DDX10: variants seen among roughly 807,000 people sequenced by gnomAD.
DDX10 encodes the protein probable ATP-dependent RNA helicase DDX10.
DDX10 carries 74 observed loss-of-function variants against 104.3 expected under a neutral mutation model. That is an observed-to-expected ratio of 0.71 (90% confidence interval 0.59 to 0.86). The LOEUF (loss-of-function observed/expected upper bound fraction) is 0.86. Among genes scored for constraint, DDX10 ranks in the 40% least tolerant of loss-of-function variants. The probability of loss-of-function intolerance (pLI) is 0.00; values close to 1 mark genes in which losing one functional copy is unlikely to be tolerated. For missense variants in DDX10, 952 were observed against 1,040.0 expected (o/e 0.92, Z 1.16); for synonymous variants, 351 against 353.4 (o/e 0.99, Z 0.08).
At chr11:108,884,950 T>C (rs1440447970) in intron 16 of DDX10, among the ~76,000 whole-genome samples, 2 of 152,204 alleles carry the variant, frequency 1.3e-5, no homozygotes, top group African/African-American at 4.8e-5. Context: ...TCATTTTTCC[T>C]CTACAGGTGG....
chr11:108,677,824 A>G (rs757258989), intron 4 of DDX10, among the ~76,000 whole-genome samples: 75 of 151,920 alleles, frequency 4.9e-4, no homozygotes, highest in Non-Finnish European at 9.9e-4. Context: ...CCTGTTGCCT[A>G]ACTTTAACAA....
At chr11:108,693,464 A>G in intron 8 of DDX10, 52 bp from the exon 9 acceptor site, 2 of 1,274,458 alleles carry the variant, frequency 1.6e-6, no homozygotes, top group Non-Finnish European at 2.3e-6. Context: ...AAAATAGTGC[A>G]GCAGGGCAGA....
chr11:108,806,873 T>C (rs1276927527), intron 13 of DDX10, among the ~76,000 whole-genome samples: 4 of 152,078 alleles, frequency 2.6e-5, no homozygotes, highest in Non-Finnish European at 5.9e-5. Flanking sequence ...TTAGAGACAG[T>C]GATGAGTGGT....
At chr11:108,898,597 C>T (rs529733025) in intron 16 of DDX10, among the ~76,000 whole-genome samples, 1 of 150,766 alleles carries the variant, frequency 6.6e-6, no homozygotes, top group South Asian at 2.1e-4. Flanking sequence ...GAAAATACAC[C>T]AGAATTTCTA....
chr11:108,903,209 C>A (rs1376419837), intron 16 of DDX10, among the ~76,000 whole-genome samples: 2 of 152,132 alleles, frequency 1.3e-5, no homozygotes, highest in Non-Finnish European at 2.9e-5. Flanking sequence ...CCCTTTAGCT[C>A]CATTTAATTC....
chr11:108,823,238 T>C (rs1036299425), intron 13 of DDX10, among the ~76,000 whole-genome samples: 1 of 152,230 alleles, frequency 6.6e-6, no homozygotes, highest in African/African-American at 2.4e-5. Context: ...CGAAACGTAG[T>C]ACACATAGGC....
chr11:108,910,817 C>CTGTA (rs2134657536), intron 16 of DDX10, among the ~76,000 whole-genome samples: 1 of 135,392 alleles, frequency 7.4e-6, no homozygotes, highest in South Asian at 2.3e-4. Flanking sequence ...CTGTGTGTGT[C>CTGTA]TGTATGAGGA....
rs753871229 is a variant in DDX10 at position 108,723,282 on chromosome 11, A to G, written c.1785A>G (p.Lys595=). The G allele has an allele frequency of 2.5e-6, 4 of 1,613,638 alleles. No homozygotes were observed. Among genetic ancestry groups the G allele is most frequent in the Middle Eastern group, 1.7e-4 (1 of 6,058 alleles). ...EEDDEEEMEE[K]LAKAKGSQAP... ...ACGATGAAGAAGAAATGGAAGAGAA[A>G]CTGGCAAAAGCAAAAGGATCTCAAG... is the stretch of plus-strand genomic sequence containing the variant. Residue 595 remains lysine (K), a synonymous_variant, in exon 13 of 18, where the codon AAA becomes AAG. Coordinates refer to ENST00000322536, the MANE Select transcript of DDX10 (RefSeq NM_004398.4).
chr11:108,848,276 G>A (rs1862745960), intron 15 of DDX10, among the ~76,000 whole-genome samples: 1 of 152,070 alleles, frequency 6.6e-6, no homozygotes, highest in Non-Finnish European at 1.5e-5. Context: ...TTTTTCCATA[G>A]CTATGGCCAT....
At chr11:108,774,104 C>A (rs190410981) in intron 13 of DDX10, among the ~76,000 whole-genome samples, 4 of 152,310 alleles carry the variant, frequency 2.6e-5, no homozygotes, top group Admixed American at 6.5e-5. Flanking sequence ...AGTGGACAAC[C>A]AGAAAGAGAA....
chr11:108,901,284 A>G (rs1188220076), intron 16 of DDX10, among the ~76,000 whole-genome samples: 3 of 152,224 alleles, frequency 2.0e-5, no homozygotes, highest in Non-Finnish European at 4.4e-5. Context: ...AGCACTCAGT[A>G]AATACTTGTT....
At chr11:108,765,029 A>G (rs1267252626) in intron 13 of DDX10, among the ~76,000 whole-genome samples, 4 of 152,214 alleles carry the variant, frequency 2.6e-5, no homozygotes, top group Non-Finnish European at 4.4e-5. Flanking sequence ...TTTAACTAAG[A>G]TATTAACTTT....
intron 13 of DDX10, among the ~76,000 whole-genome samples, chr11:108,793,528 G>A (rs1861898731): frequency 6.6e-6 from 1 of 152,010 alleles, no homozygotes; most frequent in African/African-American, 2.4e-5. Context: ...TAAATTTCAG[G>A]CGTGCTGGAA....
chr11:108,857,799 C>A (rs1199117192), intron 16 of DDX10, among the ~76,000 whole-genome samples: 2 of 152,212 alleles, frequency 1.3e-5, no homozygotes, highest in African/African-American at 2.4e-5. Flanking sequence ...GGCCATAGGT[C>A]ATTTCCGAGG....
intron 16 of DDX10, among the ~76,000 whole-genome samples, chr11:108,901,014 T>A (rs756860591): frequency 2.2e-4 from 34 of 152,174 alleles, no homozygotes; most frequent in Non-Finnish European, 2.9e-5. Context: ...ATCTCCTTCA[T>A]GAAGTCTTTC....
intron 16 of DDX10, among the ~76,000 whole-genome samples, chr11:108,857,275 A>G (rs989893223): frequency 6.6e-6 from 1 of 152,194 alleles, no homozygotes; most frequent in African/African-American, 2.4e-5. Context: ...AAATACCTTT[A>G]GTAAGGAAAG....
intron 16 of DDX10, among the ~76,000 whole-genome samples, chr11:108,888,526 T>C (rs1730157255): frequency 6.6e-6 from 1 of 152,210 alleles, no homozygotes; most frequent in Non-Finnish European, 1.5e-5. Context: ...TAATATTACT[T>C]GTCTTGACTA....
chr11:108,854,240 G>T (rs1361830039), intron 16 of DDX10, among the ~76,000 whole-genome samples: 4 of 152,206 alleles, frequency 2.6e-5, no homozygotes, highest in Non-Finnish European at 4.4e-5. Flanking sequence ...TTTGGAAGCA[G>T]ACCCAGAAGA....
At chr11:108,784,230 C>T (rs1280336138) in intron 13 of DDX10, among the ~76,000 whole-genome samples, 1 of 152,198 alleles carries the variant, frequency 6.6e-6, no homozygotes, top group Non-Finnish European at 1.5e-5. Context: ...TATCTCCAAA[C>T]TGCTTTCCAA....
Sources: gnomAD v4.1 joint callset for allele counts (sites outside exome capture counted in the v4.1 genomes callset) on GRCh38, gnomAD v4.1.1 for gene constraint, MANE v1.5 for transcripts, NCBI Gene and HGNC (gene_info 2026-07-23, HGNC 2026-07-21) for gene names.